The following TTC28 variants were observed in gnomAD, a reference collection of about 807,000 sequenced individuals.
The protein encoded by TTC28 is tetratricopeptide repeat protein 28.
Under a neutral mutation model 198.0 loss-of-function variants are expected in TTC28, and 61 were observed. That is an observed-to-expected ratio of 0.31 (90% confidence interval 0.25 to 0.38). The LOEUF (loss-of-function observed/expected upper bound fraction) is 0.38. Ranked by LOEUF, TTC28 falls within the 10% of genes least tolerant of loss-of-function variation. The probability of loss-of-function intolerance (pLI) is 1.00; values close to 1 mark genes in which losing one functional copy is unlikely to be tolerated. For synonymous variants in TTC28, 1,171 were observed against 1,297.8 expected (o/e 0.90, Z 2.10); for missense variants, 2,678 against 3,164.0 (o/e 0.85, Z 3.69).
At chr22:28,172,321 C>T (rs969161390) in intron 5 of TTC28, among the ~76,000 whole-genome samples, 1 of 152,178 alleles carries the variant, frequency 6.6e-6, no homozygotes, top group Non-Finnish European at 1.5e-5. Flanking sequence ...CAAACCCAGC[C>T]ATGAGCCCCT....
chr22:28,669,771 T>G lies in TTC28; in HGVS notation c.102+9851A>C, dbSNP rs1012571000. Among the ~76,000 whole-genome samples the G allele has an allele frequency of 8.5e-5, 13 of 152,312 alleles. 1 individual carries two copies. In the South Asian group the frequency reaches 1.7e-3, roughly 19 times the overall value. ...TCTTATCTATCTTTATTTTAAGATG[T>G]TTTCCACATACATGCTTAGTGAATT... On this transcript the variant is annotated intron_variant, in intron 1 of 22. Transcript: ENST00000397906.
At chr22:28,567,628 G>C (rs998573752) in intron 2 of TTC28, among the ~76,000 whole-genome samples, 2 of 150,672 alleles carry the variant, frequency 1.3e-5, no homozygotes, top group Admixed American at 6.6e-5. Flanking sequence ...TCTATAACAA[G>C]TCAAACTATC....
intron 1 of TTC28, among the ~76,000 whole-genome samples, chr22:28,678,407 CTA>C (rs2052037173): frequency 2.0e-5 from 3 of 152,104 alleles, no homozygotes; most frequent in Admixed American, 1.3e-4. Context: ...ACGAGTCTCG[CTA>C]TGTTTCCCAC....
At chr22:28,262,021 G>T (rs541116996) in intron 5 of TTC28, among the ~76,000 whole-genome samples, 3 of 152,222 alleles carry the variant, frequency 2.0e-5, no homozygotes, top group African/African-American at 4.8e-5. Flanking sequence ...AACAAAGTTT[G>T]TTATGAAAAA....
intron 2 of TTC28, among the ~76,000 whole-genome samples, chr22:28,606,005 T>A (rs1399454352): frequency 6.6e-6 from 1 of 152,114 alleles, no homozygotes; most frequent in Non-Finnish European, 1.5e-5. Context: ...GTGTTAATTA[T>A]CTTGACTGAA....
chr22:28,111,899 T>C (rs747393068), intron 6 of TTC28, among the ~76,000 whole-genome samples: 8 of 152,158 alleles, frequency 5.3e-5, no homozygotes, highest in Non-Finnish European at 1.2e-4. Flanking sequence ...ACAGGTCTCC[T>C]TGGACGCTCC....
intron 12 of TTC28, among the ~76,000 whole-genome samples, chr22:28,049,687 A>G (rs940180518): frequency 1.3e-5 from 2 of 152,098 alleles, no homozygotes; most frequent in African/African-American, 4.8e-5. Flanking sequence ...GGTGGTAAGC[A>G]TATGCAGCTG....
chr22:28,214,406 A>G (rs1927202159), intron 5 of TTC28, among the ~76,000 whole-genome samples: 2 of 152,250 alleles, frequency 1.3e-5, no homozygotes, highest in Non-Finnish European at 2.9e-5. Context: ...AATATCCAGA[A>G]TCTACAAAGA....
intron 2 of TTC28, among the ~76,000 whole-genome samples, chr22:28,461,649 G>A (rs1002499459): frequency 3.9e-5 from 6 of 151,934 alleles, no homozygotes; most frequent in African/African-American, 1.5e-4. Flanking sequence ...GGCTCGTCTC[G>A]AACTCCTGAC....
chr22:28,539,496 C>T (rs780480460), intron 2 of TTC28, among the ~76,000 whole-genome samples: 1 of 151,878 alleles, frequency 6.6e-6, no homozygotes, highest in Non-Finnish European at 1.5e-5. Context: ...CTTAGCCAGG[C>T]GTTGTGGCAT....
intron 11 of TTC28, among the ~76,000 whole-genome samples, chr22:28,095,361 C>A (rs1188874274): frequency 6.6e-6 from 1 of 151,892 alleles, no homozygotes; most frequent in East Asian, 1.9e-4. Context: ...AGCTGTCATC[C>A]AGCCATCATT....
intron 12 of TTC28, among the ~76,000 whole-genome samples, chr22:28,032,790 T>C (rs927124289): frequency 6.6e-6 from 1 of 152,058 alleles, no homozygotes; most frequent in African/African-American, 2.4e-5. Context: ...GCTTCTCTCC[T>C]GGGGTTTGAC....
At chr22:28,507,481 T>C (rs1380974777) in intron 2 of TTC28, among the ~76,000 whole-genome samples, 1 of 152,128 alleles carries the variant, frequency 6.6e-6, no homozygotes, top group African/African-American at 2.4e-5. Flanking sequence ...TTGGAAAACA[T>C]ACTTCAAAAT....
chr22:28,350,317 A>C (rs1166834680), intron 2 of TTC28, among the ~76,000 whole-genome samples: 2 of 152,208 alleles, frequency 1.3e-5, no homozygotes, highest in African/African-American at 4.8e-5. Flanking sequence ...TATATGAATT[A>C]ATATTGTAAG....
chr22:28,529,334 T>A (rs1302431633), intron 2 of TTC28, among the ~76,000 whole-genome samples: 1 of 152,208 alleles, frequency 6.6e-6, no homozygotes, highest in Non-Finnish European at 1.5e-5. Context: ...GAGATCGAAC[T>A]GCAAGGCAGC....
At chr22:28,546,908 A>G (rs1295452719) in intron 2 of TTC28, among the ~76,000 whole-genome samples, 2 of 152,098 alleles carry the variant, frequency 1.3e-5, no homozygotes, top group Non-Finnish European at 2.9e-5. Context: ...AACATATGAG[A>G]CTCTAGAAAG....
At chr22:28,031,751 G>A (rs1157065302) in intron 12 of TTC28, among the ~76,000 whole-genome samples, 4 of 152,082 alleles carry the variant, frequency 2.6e-5, no homozygotes, top group Non-Finnish European at 5.9e-5. Context: ...TGGGCTGCAG[G>A]GTGCCCAGAT....
At chr22:28,577,538 T>G (rs1371771779) in intron 2 of TTC28, among the ~76,000 whole-genome samples, 1 of 152,140 alleles carries the variant, frequency 6.6e-6, no homozygotes, top group African/African-American at 2.4e-5. Context: ...TCTGTCTGGA[T>G]GATCTGTCCA....
intron 6 of TTC28, among the ~76,000 whole-genome samples, chr22:28,114,812 T>A (rs1394780905): frequency 1.3e-5 from 2 of 152,144 alleles, no homozygotes; most frequent in Non-Finnish European, 2.9e-5. Context: ...TCTCAAACTC[T>A]TGGGCTCAAG....
Sources: allele counts gnomAD v4.1 joint callset (sites outside exome capture counted in the v4.1 genomes callset), GRCh38; gene constraint gnomAD v4.1.1; transcripts MANE v1.5; gene names NCBI Gene and HGNC (gene_info 2026-07-23, HGNC 2026-07-21).